Variants in MICU3 observed in about 807,000 individuals in gnomAD.
MICU3 encodes mitochondrial calcium uptake 3, also known as calcium uptake protein 3, mitochondrial.
Under a neutral mutation model 66.5 loss-of-function variants are expected in MICU3, and 62 were observed. The observed-to-expected ratio is 0.93, with a 90% CI of 0.76 to 1.15. The LOEUF is 1.15. Ranked by LOEUF, MICU3 falls within the 50% of genes most tolerant of loss-of-function variation. MICU3 has a pLI of 0.00. For missense variants in MICU3, 779 were observed against 664.4 expected, an observed-to-expected ratio of 1.17 and a Z score of -1.90; for synonymous variants, 308 against 240.7, an observed-to-expected ratio of 1.28 and a Z score of -2.59.
the MICU3 span, among the ~76,000 whole-genome samples, chr8:17,130,452 G>T: frequency 6.6e-6 from 1 of 152,048 alleles, no homozygotes; most frequent in African/African-American, 2.4e-5. Flanking sequence ...GACTGAGGTG[G>T]AGGTTGCAGT....
the MICU3 span, among the ~76,000 whole-genome samples, chr8:17,138,549 A>G: frequency 6.6e-6 from 1 of 152,164 alleles, no homozygotes; most frequent in African/African-American, 2.4e-5. Context: ...CAATGCTGGA[A>G]AGAATACTGG....
chr8:17,064,592 T>C (rs1198996064), intron 2 of MICU3, among the ~76,000 whole-genome samples: 1 of 152,204 alleles, frequency 6.6e-6, no homozygotes, highest in African/African-American at 2.4e-5. Context: ...GTATCTCTTC[T>C]GCGTTTGTCA....
chr8:17,081,122 C>T (rs1367800818), intron 4 of MICU3, among the ~76,000 whole-genome samples: 4 of 152,024 alleles, frequency 2.6e-5, no homozygotes, highest in East Asian at 1.9e-4. Context: ...AAAGTATAAG[C>T]CATTTAATTA....
intron 1 of MICU3, among the ~76,000 whole-genome samples, chr8:17,046,979 T>C (rs1355381614): frequency 1.3e-5 from 2 of 152,150 alleles, no homozygotes; most frequent in Non-Finnish European, 1.5e-5. Flanking sequence ...ACTGGCCATA[T>C]GTGATTCCTA....
At chr8:17,040,116 C>T (rs2150521312) in intron 1 of MICU3, among the ~76,000 whole-genome samples, 1 of 152,078 alleles carries the variant, frequency 6.6e-6, no homozygotes, top group Non-Finnish European at 1.5e-5. Flanking sequence ...CCATGTTGGT[C>T]AGGCTGGTCT....
Position 17,090,593 on chromosome 8 carries a change from A to C in MICU3, c.888+9A>C. On this transcript the variant is annotated intron_variant, in intron 8 of 14. Transcript: ENST00000318063. ...ATTCTCCTACTAATAGTGTATGTAC[A>C]ATACTTTAAATGTTCTTTATGTATA... is the stretch of plus-strand genomic sequence containing the variant. The C allele has an allele frequency of 6.3e-7, 1 of 1,594,390 alleles. No homozygotes were observed. Among genetic ancestry groups the C allele is most frequent in the Non-Finnish European group, 8.6e-7 (1 of 1,166,702 alleles).
chr8:17,087,345 A>G (rs1483730790), intron 7 of MICU3, among the ~76,000 whole-genome samples: 4 of 152,090 alleles, frequency 2.6e-5, no homozygotes, highest in Non-Finnish European at 5.9e-5. Context: ...GTAAAAATTT[A>G]AAGGTGAATT....
chr8:17,073,722 G>A (rs561491455), intron 3 of MICU3, among the ~76,000 whole-genome samples: 1 of 152,088 alleles, frequency 6.6e-6, no homozygotes, highest in African/African-American at 2.4e-5. Flanking sequence ...AACATCAATT[G>A]TAATAGCAAA....
intron 1 of MICU3, among the ~76,000 whole-genome samples, chr8:17,050,430 CTG>C (rs1313020788): frequency 6.6e-6 from 1 of 151,892 alleles, no homozygotes; most frequent in East Asian, 1.9e-4. Context: ...TTTCATTAAA[CTG>C]ATATAATTTC....
At chr8:17,066,172 A>T (rs577264968) in intron 2 of MICU3, among the ~76,000 whole-genome samples, 1 of 151,946 alleles carries the variant, frequency 6.6e-6, no homozygotes, top group East Asian at 1.9e-4. Context: ...GTGAGTTAGT[A>T]TAGATTTAAT....
intron 3 of MICU3, among the ~76,000 whole-genome samples, chr8:17,075,602 G>T (rs989547393): frequency 6.6e-6 from 1 of 152,114 alleles, no homozygotes; most frequent in Non-Finnish European, 1.5e-5. Flanking sequence ...AAATTTTAGA[G>T]GTCCTTAAAG....
chr8:17,029,566 GT>G (rs1412172631), intron 1 of MICU3, among the ~76,000 whole-genome samples: 5 of 152,062 alleles, frequency 3.3e-5, no homozygotes, highest in African/African-American at 1.2e-4. Flanking sequence ...TCTGTTCATT[GT>G]TTTAGAAGTC....
chr8:17,135,524 T>A, the MICU3 span, among the ~76,000 whole-genome samples: 1 of 152,124 alleles, frequency 6.6e-6, no homozygotes, highest in Non-Finnish European at 1.5e-5. Context: ...GTTTTTCAAT[T>A]GATTCTCTTA....
At chr8:17,102,699 A>C (rs1466072384) in intron 9 of MICU3, 4 of 151,964 alleles carry the variant, frequency 2.6e-5, no homozygotes, top group Non-Finnish European at 4.4e-5. Context: ...TTTCATAAGA[A>C]GCTTATTCAA....
intron 4 of MICU3, among the ~76,000 whole-genome samples, chr8:17,079,062 A>G (rs1308524699): frequency 1.3e-5 from 2 of 152,198 alleles, no homozygotes; most frequent in Non-Finnish European, 2.9e-5. Flanking sequence ...CATAGAAGAA[A>G]GAACCTTTTT....
chr8:17,055,372 GTTTTTCT>G (rs909167062), intron 1 of MICU3, among the ~76,000 whole-genome samples: 1 of 152,162 alleles, frequency 6.6e-6, no homozygotes, highest in Admixed American at 6.5e-5. Flanking sequence ...TTACTCTAAT[GTTTTTCT>G]TTTTAGTCCT....
intron 1 of MICU3, among the ~76,000 whole-genome samples, chr8:17,061,308 G>C (rs1817788411): frequency 6.6e-6 from 1 of 152,140 alleles, no homozygotes; most frequent in African/African-American, 2.4e-5. Context: ...GGTTTGGTAA[G>C]CTGGGGGATT....
At chr8:17,030,221 C>T (rs924558214) in intron 1 of MICU3, among the ~76,000 whole-genome samples, 4 of 152,086 alleles carry the variant, frequency 2.6e-5, no homozygotes, top group Non-Finnish European at 5.9e-5. Context: ...TTTGTTTCTT[C>T]CAGGTTCTTT....
At chr8:17,029,458 A>C (rs977482823) in intron 1 of MICU3, among the ~76,000 whole-genome samples, 3 of 152,184 alleles carry the variant, frequency 2.0e-5, no homozygotes, top group African/African-American at 4.8e-5. Context: ...CCTGGGTGAC[A>C]AGAGCGAAAC....
Sources: gnomAD v4.1 joint callset for allele counts (sites outside exome capture counted in the v4.1 genomes callset) on GRCh38, gnomAD v4.1.1 for gene constraint, MANE v1.5 for transcripts, NCBI Gene and HGNC (gene_info 2026-07-23, HGNC 2026-07-21) for gene names.